COL14A1: variants seen among roughly 807,000 people sequenced by gnomAD.
The protein encoded by COL14A1 is collagen alpha-1(XIV) chain.
A neutral mutation model predicts 230.3 loss-of-function variants in COL14A1; 136 were observed. The observed-to-expected ratio is 0.59, with a 90% CI of 0.51 to 0.68. The LOEUF (loss-of-function observed/expected upper bound fraction) is 0.68, where lower values mean the gene tolerates loss of function less well. COL14A1 is among the 30% of genes least tolerant of loss of function. COL14A1 has a pLI of 0.00. For missense variants in COL14A1, 1,976 were observed against 2,215.8 expected (o/e 0.89, Z 2.17); for synonymous variants, 792 against 784.1 (o/e 1.01, Z -0.17).
chr8:120,329,575 C>T (rs1330961259), intron 40 of COL14A1, among the ~76,000 whole-genome samples: 2 of 151,924 alleles, frequency 1.3e-5, no homozygotes, highest in Non-Finnish European at 2.9e-5. Context: ...CCACTGCACT[C>T]CAGCCTGGGT....
intron 40 of COL14A1, among the ~76,000 whole-genome samples, chr8:120,325,179 A>G (rs62529263): frequency 0.011 from 1,652 of 152,310 alleles, 21 homozygotes; most frequent in South Asian, 0.031. Flanking sequence ...CCATAACTTA[A>G]TAAGTTGCTC....
chr8:120,226,307 T>G (rs1869833), intron 15 of COL14A1, among the ~76,000 whole-genome samples: 1 of 149,942 alleles, frequency 6.7e-6, no homozygotes, highest in African/African-American at 2.5e-5. Flanking sequence ...AAATAATATT[T>G]AAAAAAAAAA....
chr8:120,278,373 C>G (rs1819920011), intron 27 of COL14A1, 62 bp from the exon 28 acceptor site: 1 of 1,569,642 alleles, frequency 6.4e-7, no homozygotes, highest in African/African-American at 1.4e-5. Flanking sequence ...CCCACCCTTT[C>G]TTCTCCAGAA....
chr8:120,234,531 G>A (rs948754449), intron 19 of COL14A1, among the ~76,000 whole-genome samples: 1 of 152,108 alleles, frequency 6.6e-6, no homozygotes, highest in African/African-American at 2.4e-5. Context: ...AAGGGGTGTT[G>A]AATTTTATTG....
chr8:120,176,987 C>CTT (rs1308023529), intron 5 of COL14A1, among the ~76,000 whole-genome samples: 3 of 152,106 alleles, frequency 2.0e-5, no homozygotes, highest in African/African-American at 4.8e-5. Flanking sequence ...TGCAGGGAGG[C>CTT]CCTGAGGAAG....
intron 35 of COL14A1, among the ~76,000 whole-genome samples, chr8:120,298,287 T>G (rs183818813): frequency 2.0e-5 from 3 of 152,042 alleles, no homozygotes; most frequent in Non-Finnish European, 4.4e-5. Flanking sequence ...TGCTGAATAT[T>G]GCTGTACTTC....
intron 42 of COL14A1, among the ~76,000 whole-genome samples, chr8:120,337,401 T>TAAAAAAAAAAAAAAAA (rs60418574): frequency 7.7e-6 from 1 of 129,460 alleles, no homozygotes; most frequent in African/African-American, 2.9e-5. Flanking sequence ...GTCTCAAAAT[T>TAAAAAAAAAAAAAAAA]AAAAAAAAAA....
At chr8:120,152,035 C>T (rs1311303868) in intron 2 of COL14A1, among the ~76,000 whole-genome samples, 10 of 152,068 alleles carry the variant, frequency 6.6e-5, no homozygotes, top group Admixed American at 6.6e-4. Context: ...TCAGCCCTTC[C>T]GACACCATCC....
chr8:120,272,552 C>T (rs1018884578), intron 26 of COL14A1, among the ~76,000 whole-genome samples: 5 of 151,448 alleles, frequency 3.3e-5, no homozygotes, highest in Non-Finnish European at 5.9e-5. Context: ...AAGAGACTCA[C>T]CTAACATGTA....
chr8:120,163,831 A>C (rs114110298), intron 4 of COL14A1, among the ~76,000 whole-genome samples: 1,548 of 152,244 alleles, frequency 0.01, 25 homozygotes, highest in African/African-American at 0.035. Flanking sequence ...CTCAGGAGAC[A>C]TTCATTCATT....
intron 23 of COL14A1, among the ~76,000 whole-genome samples, chr8:120,258,602 T>C (rs1819233477): frequency 6.6e-6 from 1 of 152,110 alleles, no homozygotes; most frequent in Non-Finnish European, 1.5e-5. Context: ...CAGATGTCCT[T>C]TACCCATGTA....
chr8:120,249,463 C>G (rs372028055), intron 21 of COL14A1, among the ~76,000 whole-genome samples: 1 of 152,174 alleles, frequency 6.6e-6, no homozygotes, highest in East Asian at 1.9e-4. Flanking sequence ...TGTCTGTTTG[C>G]TTTAGGCCGG....
Position 120,279,950 on chromosome 8 carries a change from C to G in COL14A1, c.3497C>G (p.Ala1166Gly). The G allele has an allele frequency of 6.2e-7, 1 of 1,612,726 alleles. No individual in the cohort carries two copies. The highest frequency in any genetic ancestry group is 1.1e-5 in the South Asian group (1 of 90,840). ...TCTGCCACAGGCTATAGCATTTTTG[C>G]AATTGGTGTGGCCGATGCAGATTAC... ...EMQLDGYSIF[A>G]IGVADADYSE... is the part of the protein sequence containing the mutation. Residue 1166 changes from alanine to glycine, a missense_variant, in exon 29 of 48, where the codon GCA becomes GGA. By Grantham distance (60) the Ala-to-Gly change is moderately conservative. This residue lies in a region of COL14A1 where 1,791 missense variants were observed against 2,019.5 expected (regional missense o/e 0.89). Transcript: ENST00000297848.
intron 40 of COL14A1, among the ~76,000 whole-genome samples, chr8:120,322,729 GTT>G (rs55890516): frequency 2.0e-5 from 3 of 149,730 alleles, no homozygotes; most frequent in African/African-American, 4.9e-5. Context: ...ACATGTTCTT[GTT>G]TTTTTTTTAT....
chr8:120,301,119 C>A (rs775931587), intron 36 of COL14A1, among the ~76,000 whole-genome samples: 1 of 152,100 alleles, frequency 6.6e-6, no homozygotes, highest in Non-Finnish European at 1.5e-5. Flanking sequence ...GGTTAATTTT[C>A]GGTGTGAATA....
chr8:120,231,435 A>AG (rs765212031), intron 18 of COL14A1, 32 bp from the exon 19 acceptor site: 1 of 1,605,938 alleles, frequency 6.2e-7, no homozygotes, highest in Non-Finnish European at 8.5e-7. Context: ...ATATGTTAAA[A>AG]GTTTTTTAAT....
chr8:120,305,403 G>T (rs1185853242), intron 36 of COL14A1, among the ~76,000 whole-genome samples: 2 of 151,984 alleles, frequency 1.3e-5, no homozygotes, highest in Non-Finnish European at 2.9e-5. Context: ...TTAAAATAAA[G>T]AAAAATGATA....
At chr8:120,299,112 T>A (rs1429689171) in intron 35 of COL14A1, among the ~76,000 whole-genome samples, 5 of 151,982 alleles carry the variant, frequency 3.3e-5, no homozygotes, top group African/African-American at 1.2e-4. Flanking sequence ...AAAAAGTTAC[T>A]GAGTTGAAAA....
At chr8:120,184,108 T>C (rs1816564629) in intron 5 of COL14A1, among the ~76,000 whole-genome samples, 1 of 152,118 alleles carries the variant, frequency 6.6e-6, no homozygotes, top group South Asian at 2.1e-4. Context: ...GAGCATCTGA[T>C]GAAAGCTATC....
Sources: gnomAD v4.1 joint callset for allele counts (sites outside exome capture counted in the v4.1 genomes callset) on GRCh38, gnomAD v4.1.1 for gene constraint, gnomAD v4.1.1 regional missense constraint, MANE v1.5 for transcripts, NCBI Gene and HGNC (gene_info 2026-07-23, HGNC 2026-07-21) for gene names.